DIP2C: variants seen among roughly 807,000 people sequenced by gnomAD.
The protein encoded by DIP2C is disco-interacting protein 2 homolog C.
In DIP2C, 33 loss-of-function variants were observed where a neutral mutation model predicts 192.4. The ratio of observed to expected loss-of-function variants is 0.17; its 90% confidence interval spans 0.13 to 0.23. The LOEUF is 0.23. DIP2C is among the 10% of genes least tolerant of loss of function. The pLI is 1.00. For missense variants in DIP2C, 1,537 were observed against 2,110.1 expected, an observed-to-expected ratio of 0.73 and a Z score of 5.32; for synonymous variants, 979 against 864.1, an observed-to-expected ratio of 1.13 and a Z score of -2.33.
intron 32 of DIP2C, among the ~76,000 whole-genome samples, chr10:301,391 T>G (rs1182628267): frequency 6.6e-6 from 1 of 151,820 alleles, no homozygotes; most frequent in African/African-American, 2.4e-5. Flanking sequence ...AGACGGTAGA[T>G]GGTTGGGGTC....
rs1193363740 is a variant in DIP2C at position 387,758 on chromosome 10, T to A, written c.1649A>T (p.His550Leu). Residue 550 changes from histidine to leucine, a missense_variant, in exon 14 of 37, where the codon CAT becomes CTT. Coordinates refer to ENST00000280886, the MANE Select transcript of DIP2C (RefSeq NM_014974.3). ...LDFKKDVGLW[H>L]GILTSVMNMM... ...GACCTCACTTACTGTCAGGATGCCA[T>A]GCCAGAGCCCGACGTCCTTCTTGAA... The A allele has an allele frequency of 6.2e-7, 1 of 1,614,198 alleles. No homozygotes were observed. The highest frequency in any genetic ancestry group is 1.1e-5 in the South Asian group (1 of 91,082).
intron 2 of DIP2C, among the ~76,000 whole-genome samples, chr10:486,040 C>CG (rs1454442297): frequency 6.6e-6 from 1 of 152,234 alleles, no homozygotes; most frequent in East Asian, 1.9e-4. Flanking sequence ...CCAGCTTTCA[C>CG]GATTGCCAAG....
rs188487693 is a variant in DIP2C, at chr10:404,469, G to A, written c.1149+4457C>T. On this transcript the variant is annotated intron_variant, in intron 9 of 36. Transcript: ENST00000280886. ...AGTCATCTGCCCACCTCAGCCTCTCGAAGTGCTGGGATTCCAGGCATGAGT... is the reference window on the plus strand; with the variant it reads ...AGTCATCTGCCCACCTCAGCCTCTCAAAGTGCTGGGATTCCAGGCATGAGT... Among the ~76,000 whole-genome samples the A allele has an allele frequency of 6.6e-5, 10 of 152,240 alleles. No homozygotes were observed. In the East Asian group the frequency reaches 1.4e-3, roughly 21 times the overall value.
intron 14 of DIP2C, among the ~76,000 whole-genome samples, chr10:387,086 A>G (rs781179946): frequency 1.3e-4 from 20 of 152,168 alleles, no homozygotes; most frequent in East Asian, 3.8e-4. Context: ...CCGACTCAAC[A>G]AACAGAAACA....
chr10:414,790 A>T (rs1049006371), intron 7 of DIP2C, among the ~76,000 whole-genome samples: 2 of 122,296 alleles, frequency 1.6e-5, no homozygotes, highest in African/African-American at 6.2e-5. Context: ...TATATATATA[A>T]AATGTATATA....
intron 1 of DIP2C, chr10:668,909 G>A (rs1033066348): frequency 5.3e-5 from 8 of 152,034 alleles, no homozygotes; most frequent in African/African-American, 1.9e-4. Flanking sequence ...TCCAAAACAG[G>A]GGCCAGGAGC....
Position 326,147 on chromosome 10 carries a change from C to T in DIP2C, c.3924+859G>A, listed in dbSNP as rs560334298. ...GGGTTGAGGCTGCAGTGAGCCATGA[C>T]GCCACTGCACTCCAGCCTGGGTGAC... On this transcript the variant is annotated intron_variant, in intron 31 of 36. Coordinates refer to ENST00000280886, the MANE Select transcript of DIP2C (RefSeq NM_014974.3). Among the ~76,000 whole-genome samples, 5 of 152,134 alleles carry T rather than the reference C, an allele frequency of 3.3e-5. No individual in the cohort carries two copies. The South Asian group carries it at 6.2e-4, about 19-fold the overall frequency.
At chr10:483,073 C>G (rs749463134) in intron 2 of DIP2C, among the ~76,000 whole-genome samples, 1 of 152,226 alleles carries the variant, frequency 6.6e-6, no homozygotes, top group Non-Finnish European at 1.5e-5. Flanking sequence ...CGACTGGAGG[C>G]CCCGACAGAC....
At chr10:589,265 T>C (rs1378313776) in intron 1 of DIP2C, among the ~76,000 whole-genome samples, 1 of 152,122 alleles carries the variant, frequency 6.6e-6, no homozygotes, top group Non-Finnish European at 1.5e-5. Context: ...GTAGACATCT[T>C]CTCCCTGTCT....
chr10:404,400 A>G (rs1472431443), intron 9 of DIP2C, among the ~76,000 whole-genome samples: 1 of 152,128 alleles, frequency 6.6e-6, no homozygotes, highest in African/African-American at 2.4e-5. Context: ...TTGTAGATAC[A>G]GGGTTTCACC....
intron 32 of DIP2C, among the ~76,000 whole-genome samples, chr10:294,577 G>A (rs1955656430): frequency 6.6e-6 from 1 of 150,488 alleles, no homozygotes; most frequent in African/African-American, 2.5e-5. Flanking sequence ...CTGGGTGACA[G>A]AGTGATACCC....
chr10:362,583 G>T lies in DIP2C; in HGVS notation c.2701C>A (p.Leu901Ile). The T allele has an allele frequency of 6.2e-7, 1 of 1,614,182 alleles. No individual in the cohort carries two copies. The highest frequency in any genetic ancestry group is 8.5e-7 in the Non-Finnish European group (1 of 1,180,022). Reference protein sequence around the residue: ...GGIHLSETKQLFLEGSLHPCN... With the variant: ...GGIHLSETKQIFLEGSLHPCN... ...GGGTGCAGAGAGCCCTCCAGAAAAA[G>T]CTGTTTTGTTTCTGATAAATGGATC... The change falls in exon 22 of 37, where the codon CTT (leucine) becomes ATT (isoleucine). Residue 901 changes from leucine (L) to isoleucine (I), a missense_variant. Physicochemically the swap from Leu to Ile is conservative, Grantham distance 5. Around this residue, in one of 4 missense-constraint regions of DIP2C, gnomAD observed 677 missense variants for 989.9 expected, o/e 0.68. Transcript: ENST00000280886.
chr10:331,121 A>G lies in DIP2C; in HGVS notation c.3585-1520T>C, dbSNP rs534151196. Among the ~76,000 whole-genome samples the G allele has an allele frequency of 5.3e-5, 8 of 152,180 alleles. No individual in the cohort carries two copies. The South Asian group carries it at 1.7e-3, about 32-fold the overall frequency. On this transcript the variant is annotated intron_variant, in intron 29 of 36. Transcript: ENST00000280886. ...ATGAGCTGCCATAAGAGGCCTACGC[A>G]AAATTTTATCAGTGAAACAGCACTA... is the stretch of plus-strand genomic sequence containing the variant.
chr10:280,704 G>A (rs1363902908), intron 36 of DIP2C, among the ~76,000 whole-genome samples: 2 of 152,232 alleles, frequency 1.3e-5, no homozygotes, highest in African/African-American at 2.4e-5. Context: ...CAGGCAGCAG[G>A]TGCGACGCAC....
intron 26 of DIP2C, among the ~76,000 whole-genome samples, chr10:348,389 G>C (rs1043328364): frequency 6.6e-6 from 1 of 152,184 alleles, no homozygotes; most frequent in Admixed American, 6.5e-5. Context: ...CCTCTCTTGG[G>C]AGCCGTTTTC....
At chr10:398,872 T>TTGCTTTA (rs984487840) in intron 10 of DIP2C, among the ~76,000 whole-genome samples, 1 of 152,130 alleles carries the variant, frequency 6.6e-6, no homozygotes, top group African/African-American at 2.4e-5. Context: ...TCAAACACCC[T>TTGCTTTA]TGCTTTACTG....
chr10:447,421 C>T (rs1233354273), intron 3 of DIP2C, among the ~76,000 whole-genome samples: 2 of 148,278 alleles, frequency 1.3e-5, no homozygotes, highest in African/African-American at 2.6e-5. Context: ...CCACTCATCC[C>T]CATCTATACT....
chr10:340,724 C>T (rs865811943), intron 29 of DIP2C: 69 of 456,380 alleles, frequency 1.5e-4, no homozygotes, highest in African/African-American at 1.1e-3. Context: ...GGCTCCGAGC[C>T]GGCTGCTGGG....
chr10:658,259 T>A (rs1417629079), intron 1 of DIP2C, among the ~76,000 whole-genome samples: 15 of 71,864 alleles, frequency 2.1e-4, no homozygotes, highest in South Asian at 1.6e-3. Context: ...CTGGACCTGA[T>A]GCTGGACCTG....
Sources: allele counts gnomAD v4.1 joint callset (sites outside exome capture counted in the v4.1 genomes callset), GRCh38; gene constraint gnomAD v4.1.1; regional missense constraint gnomAD v4.1.1; transcripts MANE v1.5; gene names NCBI Gene and HGNC (gene_info 2026-07-23, HGNC 2026-07-21).